Variants in CHLSN observed in about 807,000 individuals in gnomAD.
CHLSN encodes the protein cholesin.
the CHLSN span, chr7:1,092,222 G>T: frequency 1.2e-6 from 2 of 1,612,846 alleles, no homozygotes; most frequent in Non-Finnish European, 1.7e-6. Flanking sequence ...GCCATGCGCT[G>T]CAGCCTGTTC....
the CHLSN span, among the ~76,000 whole-genome samples, chr7:1,011,033 A>G: frequency 2.7e-5 from 4 of 150,522 alleles, no homozygotes; most frequent in Non-Finnish European, 5.9e-5. Flanking sequence ...GAGTGAGGCA[A>G]GCCCCCCTAC....
the CHLSN span, among the ~76,000 whole-genome samples, chr7:1,118,503 A>T: frequency 6.6e-6 from 1 of 152,228 alleles, no homozygotes; most frequent in Non-Finnish European, 1.5e-5. Context: ...GAATCCTAAC[A>T]AGAAACAAGC....
the CHLSN span, among the ~76,000 whole-genome samples, chr7:1,121,687 G>A: frequency 6.6e-6 from 1 of 152,244 alleles, no homozygotes; most frequent in Non-Finnish European, 1.5e-5. Context: ...GGTCACGCCA[G>A]ACGGGTTTAC....
At chr7:997,414 C>T in the CHLSN span, 11 of 516,630 alleles carry the variant, frequency 2.1e-5, 1 homozygote, top group South Asian at 2.7e-4. Flanking sequence ...CTGTCACAGC[C>T]GTCACCGGCC....
At chr7:1,066,691 T>G in the CHLSN span, among the ~76,000 whole-genome samples, 76,394 of 152,158 alleles carry the variant, frequency 0.5, 19,404 homozygotes, top group Middle Eastern at 0.55. Flanking sequence ...CCCAGCTGTC[T>G]GCCAGGGGCC....
the CHLSN span, among the ~76,000 whole-genome samples, chr7:1,084,505 A>G: frequency 6.6e-6 from 1 of 152,172 alleles, no homozygotes; most frequent in Non-Finnish European, 1.5e-5. Flanking sequence ...CCTCCAACCA[A>G]CTGCTCCCTC....
the CHLSN span, among the ~76,000 whole-genome samples, chr7:1,076,923 G>A: frequency 6.6e-6 from 1 of 152,236 alleles, no homozygotes; most frequent in African/African-American, 2.4e-5. Flanking sequence ...GCGAGGGGCT[G>A]GCCCCTGCTC....
chr7:992,130 A>G, the CHLSN span, among the ~76,000 whole-genome samples: 2 of 152,072 alleles, frequency 1.3e-5, no homozygotes, highest in Admixed American at 1.3e-4. Context: ...GACGTGGCTG[A>G]ACTGCTCCCC....
chr7:1,091,193 A>T, the CHLSN span, among the ~76,000 whole-genome samples: 1 of 152,270 alleles, frequency 6.6e-6, no homozygotes, highest in East Asian at 1.9e-4. Context: ...CAGCCGTGGG[A>T]CCTGCAGGAA....
At chr7:1,076,505 G>A in the CHLSN span, among the ~76,000 whole-genome samples, 6 of 152,256 alleles carry the variant, frequency 3.9e-5, no homozygotes, top group Admixed American at 2.6e-4. Context: ...TTCGGAGCCT[G>A]CAGGCGGACT....
At chr7:1,016,823 CA>C in the CHLSN span, among the ~76,000 whole-genome samples, 2 of 122,140 alleles carry the variant, frequency 1.6e-5, no homozygotes, top group Non-Finnish European at 1.6e-5. Context: ...CAGCGCACAG[CA>C]GCGCACAGCA....
the CHLSN span, among the ~76,000 whole-genome samples, chr7:1,121,122 G>A: frequency 2.0e-5 from 3 of 152,200 alleles, no homozygotes; most frequent in East Asian, 3.8e-4. Context: ...CTGCCTACGC[G>A]GGCTTCAGGG....
the CHLSN span, chr7:1,024,631 C>T: frequency 5.9e-5 from 9 of 152,346 alleles, no homozygotes; most frequent in African/African-American, 1.7e-4. Flanking sequence ...CCACCCTCCC[C>T]GCTGCCACCT....
At chr7:986,144 T>A in the CHLSN span, among the ~76,000 whole-genome samples, 16 of 152,134 alleles carry the variant, frequency 1.1e-4, no homozygotes, top group Non-Finnish European at 2.2e-4. Flanking sequence ...AACTCACTAC[T>A]GGCGATCGCG....
the CHLSN span, among the ~76,000 whole-genome samples, chr7:1,064,883 G>C: frequency 1.3e-5 from 2 of 152,368 alleles, no homozygotes; most frequent in South Asian, 4.1e-4. Flanking sequence ...CCCCAGGAGG[G>C]AGGGTGGGAA....
the CHLSN span, chr7:1,093,016 G>A: frequency 1.3e-6 from 1 of 745,644 alleles, no homozygotes; most frequent in East Asian, 2.7e-5. Context: ...GTCACCCTGG[G>A]GCTGCTTAGG....
the CHLSN span, chr7:1,010,021 C>T: frequency 6.2e-7 from 1 of 1,606,150 alleles, no homozygotes; most frequent in South Asian, 1.1e-5. Flanking sequence ...CAAGGCCTGC[C>T]TCCCGCAGAC....
At chr7:1,083,275 G>A in the CHLSN span, among the ~76,000 whole-genome samples, 48 of 152,364 alleles carry the variant, frequency 3.2e-4, no homozygotes, top group Non-Finnish European at 6.6e-4. Context: ...AGGGGCTGAC[G>A]GGCCAGATGG....
chr7:1,031,123 A>G, the CHLSN span, among the ~76,000 whole-genome samples: 1,952 of 152,278 alleles, frequency 0.013, 42 homozygotes, highest in African/African-American at 0.041. Flanking sequence ...GGAGGGGCCA[A>G]GAGGAAAGGA....
Sources: gnomAD v4.1 joint callset for allele counts (sites outside exome capture counted in the v4.1 genomes callset) on GRCh38, gnomAD v4.1.1 for gene constraint, MANE v1.5 for transcripts, NCBI Gene and HGNC (gene_info 2026-07-23, HGNC 2026-07-21) for gene names.